The following CNOT2 variants were observed in gnomAD, a reference collection of about 807,000 sequenced individuals.
The protein encoded by CNOT2 is CC chemokine receptor 4-negative regulator of transcription 2.
Under a neutral mutation model 72.1 loss-of-function variants are expected in CNOT2, and 7 were observed. That is an observed-to-expected ratio of 0.10 (90% CI 0.06 to 0.18). The LOEUF (loss-of-function observed/expected upper bound fraction) is 0.18. CNOT2 is among the 10% of genes least tolerant of loss of function. The pLI is 1.00. For synonymous variants in CNOT2, 196 were observed against 225.6 expected, an observed-to-expected ratio of 0.87 and a Z score of 1.17; for missense variants, 345 against 660.3, an observed-to-expected ratio of 0.52 and a Z score of 5.23.
At chr12:70,258,207 G>A (rs1198128962) in intron 1 of CNOT2, among the ~76,000 whole-genome samples, 2 of 152,076 alleles carry the variant, frequency 1.3e-5, no homozygotes, top group Non-Finnish European at 1.5e-5. Flanking sequence ...TACTTCCTGG[G>A]AAGAAAAAGT....
chr12:70,299,617 C>G (rs889420176), intron 2 of CNOT2, among the ~76,000 whole-genome samples: 7 of 152,150 alleles, frequency 4.6e-5, no homozygotes, highest in African/African-American at 1.7e-4. Context: ...TTAATCCAGT[C>G]TATCATTGTT....
In CNOT2 at chr12:70,329,560, T is replaced by C. The variant is rs1307059628; in HGVS notation, c.376T>C (p.Ser126Pro). 6.2e-7 allele frequency: 1 copy of C among 1,609,402 alleles called. No homozygotes were observed. The change falls in exon 5 of 16, where the codon TCT (serine) becomes CCT (proline). Residue 126 changes from serine (S) to proline (P), a missense_variant. Ser to Pro is a moderately conservative substitution (Grantham distance 74). Transcript: ENST00000229195. Reference protein sequence around the residue: ...VPTMSLHTPPSPSRGILPMNP... With the variant: ...VPTMSLHTPPPPSRGILPMNP... ...AACAATGTCACTTCACACGCCTCCA[T>C]CTCCAAGCAGGTATTTATTGATGGA...
At chr12:70,304,980 G>C (rs7977804) in intron 2 of CNOT2, among the ~76,000 whole-genome samples, 3 of 152,210 alleles carry the variant, frequency 2.0e-5, no homozygotes, top group African/African-American at 7.2e-5. Flanking sequence ...AGCCAGGTGC[G>C]GGATATAATC....
Position 70,346,349 on chromosome 12 carries a change from G to T in CNOT2, c.1536+25G>T, listed in dbSNP as rs776470294. 4 of 1,590,848 alleles carry T rather than the reference G, an allele frequency of 2.5e-6. No homozygotes were observed. In the South Asian group the frequency reaches 4.4e-5, roughly 18 times the overall value. On this transcript the variant is annotated intron_variant, in intron 15 of 15. Coordinates refer to ENST00000229195, the MANE Select transcript of CNOT2 (RefSeq NM_014515.7). ...GGTATATTTCTTTCCATGTGCAAATGTATAAATCTAAACTTGAAAAAAGAA... is the reference window on the plus strand; with the variant it reads ...GGTATATTTCTTTCCATGTGCAAATTTATAAATCTAAACTTGAAAAAAGAA...
At chr12:70,335,907 TC>T (rs1480518207) in intron 8 of CNOT2, 1 of 167,298 alleles carries the variant, frequency 6.0e-6, no homozygotes, top group African/African-American at 2.4e-5. Context: ...ACACATTTTT[TC>T]AAAATAATAT....
rs772460902 is a variant in CNOT2, at chr12:70,335,439, C to T, written c.651C>T (p.Asp217=). The T allele has an allele frequency of 1.9e-5, 30 of 1,595,982 alleles. No individual in the cohort carries two copies. The highest frequency in any genetic ancestry group is 2.1e-5 in the Non-Finnish European group (25 of 1,164,392). The change falls in exon 8 of 16, where the codon GAC becomes GAT. Residue 217 remains aspartate, a splice_region_variant and synonymous_variant. Coordinates refer to ENST00000229195, the MANE Select transcript of CNOT2 (RefSeq NM_014515.7). The stretch of plus-strand genomic sequence containing the variant: ...CCAGTGTCCTTTCTTATTATTTAGA[C>T]GGAAGTGAAAATGTGACAGGATTGG... The part of the protein sequence containing the change: ...SLSSNIFNGT[D]GSENVTGLDL...
At chr12:70,337,908 A>G (rs1880914534) in intron 9 of CNOT2, 1 of 336,602 alleles carries the variant, frequency 3.0e-6, no homozygotes, top group Admixed American at 4.4e-5. Context: ...CTTAACAAAT[A>G]TGTTTATTTC....
At chr12:70,311,105 G>A in intron 3 of CNOT2, 88 bp downstream of exon 3, 1 of 878,650 alleles carries the variant, frequency 1.1e-6, no homozygotes, top group Non-Finnish European at 1.8e-6. Context: ...GCAGAATACT[G>A]TCTGTGGTTG....
At chr12:70,311,146 C>CTGT in intron 3 of CNOT2, 129 bp downstream of exon 3, 4 of 591,238 alleles carry the variant, frequency 6.8e-6, no homozygotes, top group Admixed American at 2.9e-5. Flanking sequence ...AGTGCTAGTC[C>CTGT]CTTTGGTGCT....
At position 70,354,053 on chromosome 12, in the gene CNOT2, C is replaced by T. The variant is rs184710031; in HGVS notation, c.*138C>T. Reference sequence around the variant, plus strand: ...CCTTGAGGATCTGGCAATTGGCTTACGCAAAAGGTCACCATTTGAGGTCCT... The same window carrying T: ...CCTTGAGGATCTGGCAATTGGCTTATGCAAAAGGTCACCATTTGAGGTCCT... On this transcript the variant is annotated 3_prime_UTR_variant, in exon 16 of 16. Transcript: ENST00000229195. 1.2e-3 allele frequency: 1,670 copies of T among 1,386,854 alleles called. 7 individuals carry two copies. Among genetic ancestry groups the T allele is most frequent in the Non-Finnish European group, 1.0e-3 (1,091 of 1,062,732 alleles). The allele number at this position is 1,386,854 out of a possible 1,614,324, so 85.9% of individuals were successfully genotyped here.
chr12:70,294,323 A>G lies in CNOT2; in HGVS notation c.48+16049A>G. On this transcript the variant is annotated intron_variant, in intron 2 of 15. Coordinates refer to ENST00000229195, the MANE Select transcript of CNOT2 (RefSeq NM_014515.7). ...AGTATGTGGTGGGGAAAGCCGGGGG[A>G]AAAATGGTACTGTCATCAGTATTTT... 3.9e-6 allele frequency: 5 copies of G among 1,281,054 alleles called. No homozygotes were observed. In the South Asian group the frequency reaches 5.0e-5, roughly 13 times the overall value. The allele number at this position is 1,281,054 out of a possible 1,614,324, so 79.4% of individuals were successfully genotyped here. A position where few individuals can be genotyped will look rare whatever the true frequency, so the allele number is the denominator to read the frequency against.
chr12:70,249,412 CTT>C (rs1481884608), intron 1 of CNOT2, among the ~76,000 whole-genome samples: 8 of 151,764 alleles, frequency 5.3e-5, no homozygotes, highest in African/African-American at 2.4e-5. Context: ...AAGTTTAAAA[CTT>C]AGCATTTATG....
intron 2 of CNOT2, among the ~76,000 whole-genome samples, chr12:70,302,030 A>T (rs1234145731): frequency 1.3e-5 from 2 of 152,056 alleles, no homozygotes; most frequent in Non-Finnish European, 2.9e-5. Flanking sequence ...GTATTCTCTG[A>T]TGGTGGTATG....
intron 4 of CNOT2, chr12:70,322,577 A>G (rs907761705): frequency 6.6e-6 from 1 of 151,122 alleles, no homozygotes; most frequent in Non-Finnish European, 1.5e-5. Flanking sequence ...TCATTATACA[A>G]ATTTGTGTCT....
intron 1 of CNOT2, among the ~76,000 whole-genome samples, chr12:70,248,530 A>G (rs1484933582): frequency 6.6e-6 from 1 of 152,258 alleles, no homozygotes; most frequent in South Asian, 2.1e-4. Context: ...TACATCATAT[A>G]TGATACATAC....
chr12:70,314,535 ATG>A (rs1876992991), intron 3 of CNOT2, among the ~76,000 whole-genome samples: 1 of 152,120 alleles, frequency 6.6e-6, no homozygotes, highest in Non-Finnish European at 1.5e-5. Flanking sequence ...AGTCAGTCAT[ATG>A]TCTTTCCGTA....
intron 15 of CNOT2, among the ~76,000 whole-genome samples, chr12:70,353,075 CTT>C (rs372881091): frequency 3.6e-4 from 49 of 135,404 alleles, no homozygotes; most frequent in Non-Finnish European, 4.8e-4. Context: ...ATGTGTTTTC[CTT>C]TTTTTTTTTT....
At chr12:70,288,310 A>AT (rs896286388) in intron 2 of CNOT2, among the ~76,000 whole-genome samples, 3 of 151,302 alleles carry the variant, frequency 2.0e-5, no homozygotes, top group African/African-American at 4.9e-5. Flanking sequence ...TGTTCAGCTA[A>AT]TTTTTTTTGT....
chr12:70,326,812 A>C (rs1284640643), intron 4 of CNOT2, among the ~76,000 whole-genome samples: 1 of 151,786 alleles, frequency 6.6e-6, no homozygotes, highest in Non-Finnish European at 1.5e-5. Context: ...TTAAACTTAG[A>C]CTTTTTGAAT....
Sources: allele counts gnomAD v4.1 joint callset (sites outside exome capture counted in the v4.1 genomes callset), GRCh38; gene constraint gnomAD v4.1.1; transcripts MANE v1.5; gene names NCBI Gene and HGNC (gene_info 2026-07-23, HGNC 2026-07-21).